The following KYAT3 variants were observed in gnomAD, a reference collection of about 807,000 sequenced individuals.
KYAT3 encodes the protein kynurenine--oxoglutarate transaminase 3.
In KYAT3, 50 loss-of-function variants were observed where a neutral mutation model predicts 59.0. The observed-to-expected ratio is 0.85, with a 90% confidence interval of 0.68 to 1.07. The LOEUF (loss-of-function observed/expected upper bound fraction) is 1.07. Among genes scored for constraint, KYAT3 ranks in the 50% least tolerant of loss-of-function variants. The pLI, the probability that KYAT3 is intolerant of heterozygous loss-of-function variation, is 0.00. For synonymous variants in KYAT3, 148 were observed against 177.0 expected (o/e 0.84, Z 1.30); for missense variants, 497 against 533.3 (o/e 0.93, Z 0.67).
intron 8 of KYAT3, among the ~76,000 whole-genome samples, chr1:88,958,513 G>T (rs892575501): frequency 6.6e-6 from 1 of 151,846 alleles, no homozygotes; most frequent in African/African-American, 2.4e-5. Flanking sequence ...CTGGCACTCT[G>T]GTGATCAAAT....
chr1:88,955,672 C>T (rs1348494603), intron 8 of KYAT3, among the ~76,000 whole-genome samples: 3 of 152,166 alleles, frequency 2.0e-5, no homozygotes, highest in African/African-American at 7.2e-5. Flanking sequence ...GAGTGTATTT[C>T]TCCAGGCTTC....
At chr1:88,924,574 T>C in the KYAT3 span, among the ~76,000 whole-genome samples, 1 of 152,248 alleles carries the variant, frequency 6.6e-6, no homozygotes, top group African/African-American at 2.4e-5. Context: ...AGCTCTGTTT[T>C]CACTCTATTA....
At chr1:88,967,506 C>G (rs1676391623) in intron 4 of KYAT3, among the ~76,000 whole-genome samples, 1 of 151,918 alleles carries the variant, frequency 6.6e-6, no homozygotes, top group Non-Finnish European at 1.5e-5. Flanking sequence ...ATAGAATTCA[C>G]TAATAAGCCA....
the KYAT3 span, among the ~76,000 whole-genome samples, chr1:88,921,841 C>T: frequency 7.9e-5 from 12 of 152,244 alleles, 2 homozygotes; most frequent in African/African-American, 2.9e-4. Flanking sequence ...GGGAAGTCAG[C>T]CTTTTGTTCT....
chr1:88,924,413 T>A, the KYAT3 span, among the ~76,000 whole-genome samples: 1 of 152,254 alleles, frequency 6.6e-6, no homozygotes, highest in African/African-American at 2.4e-5. Context: ...CTCCCATTAT[T>A]TATGGGTGTG....
chr1:88,992,679 G>C (rs1371803935), upstream of KYAT3: 1 of 152,878 alleles, frequency 6.5e-6, no homozygotes, highest in Non-Finnish European at 1.5e-5. Flanking sequence ...GGCGGAGCCG[G>C]GACAGGGATT....
At chr1:88,970,821 G>A (rs1018020045) in intron 2 of KYAT3, among the ~76,000 whole-genome samples, 25 of 152,252 alleles carry the variant, frequency 1.6e-4, no homozygotes, top group Admixed American at 4.6e-4. Flanking sequence ...GAATATTAAT[G>A]TAATTTTAAT....
At chr1:88,988,075 G>A (rs1297966256) in intron 2 of KYAT3, among the ~76,000 whole-genome samples, 177 bp downstream of exon 2, 1 of 152,160 alleles carries the variant, frequency 6.6e-6, no homozygotes, top group African/African-American at 2.4e-5. Flanking sequence ...TCCACAGACA[G>A]GCAAGCAGTT....
intron 11 of KYAT3, among the ~76,000 whole-genome samples, chr1:88,944,608 TA>T (rs1286571799): frequency 1.3e-5 from 2 of 152,182 alleles, no homozygotes; most frequent in Admixed American, 6.5e-5. Context: ...TATTTCAAGG[TA>T]TTTATATGTA....
intron 2 of KYAT3, among the ~76,000 whole-genome samples, chr1:88,974,934 A>T (rs1287777187): frequency 6.6e-6 from 1 of 152,168 alleles, no homozygotes; most frequent in Non-Finnish European, 1.5e-5. Context: ...AGGGCCAAAT[A>T]AGGGAATAAA....
At chr1:88,964,634 G>T in intron 5 of KYAT3, 195 bp downstream of exon 5, 1 of 549,422 alleles carries the variant, frequency 1.8e-6, no homozygotes, top group Non-Finnish European at 3.3e-6. Context: ...TTGTCTGGTT[G>T]TAGTTGCACA....
the KYAT3 span, among the ~76,000 whole-genome samples, chr1:88,924,630 G>C: frequency 6.6e-6 from 1 of 152,176 alleles, no homozygotes. Flanking sequence ...TACAGCTCAA[G>C]CTGAGCTTTT....
In KYAT3 at chr1:88,942,888, A is replaced by T; in HGVS notation, c.1302+117T>A. 5 of 798,084 alleles carry T rather than the reference A, an allele frequency of 6.3e-6. No homozygotes were observed. In the South Asian group the frequency reaches 7.2e-5, roughly 11 times the overall value. 49.4% of individuals were successfully genotyped at this position (798,084 alleles called of 1,614,324 possible). A position where few individuals can be genotyped will look rare whatever the true frequency, so the allele number is the denominator to read the frequency against. On this transcript the variant is annotated intron_variant, in intron 13 of 13. Transcript: ENST00000260508. ...GTAAGCAGTTAATTTTAAAGCCGTA[A>T]GCCAAAATTTAAAAACTGCATATGA... is the stretch of plus-strand genomic sequence containing the variant.
intron 11 of KYAT3, among the ~76,000 whole-genome samples, chr1:88,945,635 ATTAACTAGT>A (rs1430233784): frequency 1.4e-4 from 22 of 152,338 alleles, no homozygotes; most frequent in African/African-American, 5.3e-4. Flanking sequence ...CTCAATAAAT[ATTAACTAGT>A]CAGCCCTTGC....
At chr1:88,956,013 T>C (rs1453529734) in intron 8 of KYAT3, among the ~76,000 whole-genome samples, 1 of 152,192 alleles carries the variant, frequency 6.6e-6, no homozygotes, top group Non-Finnish European at 1.5e-5. Flanking sequence ...TTTTTTTATC[T>C]CAAAAGAAGC....
chr1:88,953,705 C>T (rs1043085462), intron 9 of KYAT3, among the ~76,000 whole-genome samples: 1 of 152,060 alleles, frequency 6.6e-6, no homozygotes, highest in African/African-American at 2.4e-5. Context: ...AAACAGCCGG[C>T]GATCATTATT....
chr1:88,954,181 C>T (rs868618188), intron 9 of KYAT3, among the ~76,000 whole-genome samples: 4 of 152,066 alleles, frequency 2.6e-5, no homozygotes, highest in South Asian at 4.1e-4. Context: ...TACAGGCGTG[C>T]GCTACCACGC....
At chr1:88,928,380 A>G in the KYAT3 span, among the ~76,000 whole-genome samples, 1 of 150,060 alleles carries the variant, frequency 6.7e-6, no homozygotes, top group Non-Finnish European at 1.5e-5. Context: ...GACAAACGGG[A>G]TAAAAAAAAA....
chr1:88,958,286 G>A (rs1676000359), intron 8 of KYAT3, among the ~76,000 whole-genome samples: 1 of 152,090 alleles, frequency 6.6e-6, no homozygotes, highest in Admixed American at 6.6e-5. Flanking sequence ...AGAGATCTTA[G>A]TAGCATGCTT....
Sources: gnomAD v4.1 joint callset for allele counts (sites outside exome capture counted in the v4.1 genomes callset) on GRCh38, gnomAD v4.1.1 for gene constraint, MANE v1.5 for transcripts, NCBI Gene and HGNC (gene_info 2026-07-23, HGNC 2026-07-21) for gene names.